The following ANXA2 variants were observed in gnomAD, a reference collection of about 807,000 sequenced individuals.
ANXA2 encodes annexin A2.
A neutral mutation model predicts 47.3 loss-of-function variants in ANXA2; 28 were observed. The ratio of observed to expected loss-of-function variants is 0.59; its 90% CI spans 0.44 to 0.81. The LOEUF (loss-of-function observed/expected upper bound fraction) is 0.81, where lower values mean the gene tolerates loss of function less well. ANXA2 is among the 40% of genes least tolerant of loss of function. The pLI is 0.00. For missense variants in ANXA2, 384 were observed against 414.3 expected (o/e 0.93, Z 0.64); for synonymous variants, 172 against 155.5 (o/e 1.11, Z -0.79).
intron 3 of ANXA2, among the ~76,000 whole-genome samples, chr15:60,366,790 C>T: frequency 2.2e-5 from 2 of 92,734 alleles, no homozygotes; most frequent in South Asian, 4.7e-4. Flanking sequence ...GCCGCCCCGT[C>T]CGGGAGGGAG....
chr15:60,373,213 T>C lies in ANXA2; in HGVS notation c.149-8690A>G, dbSNP rs76721003. Among the ~76,000 whole-genome samples, 398 of 152,316 alleles carry C rather than the reference T, an allele frequency of 2.6e-3. 4 individuals carry two copies. The East Asian group carries it at 0.041, about 16-fold the overall frequency. On this transcript the variant is annotated intron_variant, in intron 3 of 12. Coordinates refer to ENST00000451270, the MANE Select transcript of ANXA2 (RefSeq NM_004039.3). ...CTGGGCTGAAATTTTTACATACAAA[T>C]GCACTTACATTTGGTAATCTGTAGA...
At chr15:60,349,834 G>T (rs113539737) in intron 11 of ANXA2, among the ~76,000 whole-genome samples, 127 of 134,318 alleles carry the variant, frequency 9.5e-4, no homozygotes, top group Middle Eastern at 3.7e-3. Context: ...GGGAGGGAGG[G>T]GAAGGAAAGG....
chr15:60,351,391 A>G, intron 10 of ANXA2, 140 bp from the exon 11 acceptor site: 1 of 833,712 alleles, frequency 1.2e-6, no homozygotes, highest in Non-Finnish European at 1.9e-6. Context: ...GGACAGGCTA[A>G]GGGAAATCTA....
intron 1 of ANXA2, among the ~76,000 whole-genome samples, chr15:60,394,063 G>A (rs1368057353): frequency 2.0e-5 from 3 of 152,164 alleles, no homozygotes; most frequent in Non-Finnish European, 2.9e-5. Flanking sequence ...CCAGCAGGTC[G>A]CTTCAGGGCA....
chr15:60,389,111 C>T (rs903095543), intron 1 of ANXA2, among the ~76,000 whole-genome samples: 1 of 152,152 alleles, frequency 6.6e-6, no homozygotes, highest in African/African-American at 2.4e-5. Context: ...TTAACTATCA[C>T]CCCTGGACTC....
intron 3 of ANXA2, among the ~76,000 whole-genome samples, chr15:60,367,802 T>C (rs1294885451): frequency 1.4e-5 from 1 of 70,194 alleles, no homozygotes; most frequent in Admixed American, 1.5e-4. Flanking sequence ...CGACCCCGTC[T>C]GGGAGGTGTG....
intron 3 of ANXA2, among the ~76,000 whole-genome samples, chr15:60,373,814 T>C (rs1251715911): frequency 6.6e-6 from 1 of 152,218 alleles, no homozygotes; most frequent in Admixed American, 6.5e-5. Flanking sequence ...ACTGCCTTCA[T>C]TCAGCTTCTC....
intron 5 of ANXA2, among the ~76,000 whole-genome samples, chr15:60,360,224 C>G (rs997472647): frequency 6.6e-6 from 1 of 152,132 alleles, no homozygotes; most frequent in Non-Finnish European, 1.5e-5. Flanking sequence ...CCATTGCACT[C>G]CAGCCTGGGC....
chr15:60,350,613 G>A (rs192554189), intron 11 of ANXA2, among the ~76,000 whole-genome samples: 92 of 152,276 alleles, frequency 6.0e-4, no homozygotes, highest in Middle Eastern at 6.8e-3. Flanking sequence ...GCACACTTGA[G>A]GTGTAGAAAA....
At position 60,352,732 on chromosome 15, in the gene ANXA2, A is replaced by G. The variant is rs1405979909; in HGVS notation, c.589-256T>C. Among the ~76,000 whole-genome samples the G allele has an allele frequency of 6.6e-6, 1 of 152,190 alleles. No individual in the cohort carries two copies. The highest frequency in any genetic ancestry group is 1.5e-5 in the Non-Finnish European group (1 of 68,038). ...TCTGCTGTACAATCTCCTTCCTTGA[A>G]TAAGAAAGGAGGGACCAAGAGCTTG... On this transcript the variant is annotated intron_variant, in intron 8 of 12. Coordinates refer to ENST00000451270, the MANE Select transcript of ANXA2 (RefSeq NM_004039.3). The surrounding 1 kb of genome is among the most constrained non-coding windows in gnomAD (Gnocchi z 4.2).
At chr15:60,367,009 C>A (rs2062626413) in intron 3 of ANXA2, among the ~76,000 whole-genome samples, 1 of 85,518 alleles carries the variant, frequency 1.2e-5, no homozygotes, top group East Asian at 3.4e-4. Context: ...GCCGCCCAGT[C>A]CGGGAGGGAG....
Position 60,386,061 on chromosome 15 carries a change from G to T in ANXA2, c.15C>A (p.His5Gln). The T allele has an allele frequency of 6.2e-7, 1 of 1,612,770 alleles. No individual in the cohort carries two copies. Residue 5 changes from histidine (H) to glutamine (Q), a missense_variant, in exon 2 of 13, where the codon CAC becomes CAA. Transcript: ENST00000451270. MSTVHEILCKLSLEG... is the reference protein window; with the variant it reads MSTVQEILCKLSLEG... ...CCAAGCTGAGCTTGCACAGGATTTCGTGAACAGTAGACATTTTGAAGGAAG... is the reference window on the plus strand; with the variant it reads ...CCAAGCTGAGCTTGCACAGGATTTCTTGAACAGTAGACATTTTGAAGGAAG...
In ANXA2 at chr15:60,382,333, A is replaced by T; in HGVS notation, c.148+9T>A. The T allele has an allele frequency of 6.2e-7, 1 of 1,607,350 alleles. No individual in the cohort carries two copies. The highest frequency in any genetic ancestry group is 8.5e-7 in the Non-Finnish European group (1 of 1,173,900). The stretch of plus-strand genomic sequence containing the variant: ...ACCCTGACAAGAAGAGGACAAATGT[A>T]TCACCTACCTTTGGTCTTGATGGCT... On this transcript the variant is annotated intron_variant, in intron 3 of 12. Coordinates refer to ENST00000451270, the MANE Select transcript of ANXA2 (RefSeq NM_004039.3).
At chr15:60,377,591 T>C (rs1165747484) in intron 3 of ANXA2, among the ~76,000 whole-genome samples, 1 of 152,178 alleles carries the variant, frequency 6.6e-6, no homozygotes, top group Non-Finnish European at 1.5e-5. Flanking sequence ...TGTAATAGCA[T>C]TATGTCTAAA....
At chr15:60,375,601 A>G (rs938809993) in intron 3 of ANXA2, among the ~76,000 whole-genome samples, 6 of 152,228 alleles carry the variant, frequency 3.9e-5, no homozygotes, top group Non-Finnish European at 5.9e-5. Context: ...ATTAAGCAGT[A>G]TTACTACTTT....
intron 7 of ANXA2, among the ~76,000 whole-genome samples, chr15:60,354,981 G>C (rs2062405554): frequency 6.6e-6 from 1 of 152,166 alleles, no homozygotes; most frequent in African/African-American, 2.4e-5. Flanking sequence ...CTGGGCTTAA[G>C]CTGAAACTTC....
chr15:60,390,746 A>G (rs1046538867), intron 1 of ANXA2: 4 of 167,038 alleles, frequency 2.4e-5, no homozygotes, highest in African/African-American at 9.6e-5. Context: ...AAAACAAAAC[A>G]AAATAAAAAG....
chr15:60,368,156 C>G (rs1336864502), intron 3 of ANXA2, among the ~76,000 whole-genome samples: 3 of 145,068 alleles, frequency 2.1e-5, no homozygotes, highest in Non-Finnish European at 3.0e-5. Context: ...TCTTAAGTAC[C>G]CAGGGACACA....
chr15:60,374,902 G>A (rs182440703), intron 3 of ANXA2, among the ~76,000 whole-genome samples: 96 of 152,310 alleles, frequency 6.3e-4, no homozygotes, highest in African/African-American at 2.2e-3. Context: ...CCTGGGCTAC[G>A]TGAGTCACAG....
Sources: gnomAD v4.1 joint callset for allele counts (sites outside exome capture counted in the v4.1 genomes callset) on GRCh38, gnomAD v4.1.1 for gene constraint, Gnocchi (gnomAD v3.1) non-coding constraint, MANE v1.5 for transcripts, NCBI Gene and HGNC (gene_info 2026-07-23, HGNC 2026-07-21) for gene names.